TSBP1: variants seen among roughly 807,000 people sequenced by gnomAD.
TSBP1 encodes testis expressed basic protein 1, also known as testis-expressed basic protein 1.
Under a neutral mutation model 68.8 loss-of-function variants are expected in TSBP1, and 56 were observed. The observed-to-expected ratio is 0.81, with a 90% CI of 0.66 to 1.02. The LOEUF (loss-of-function observed/expected upper bound fraction) is 1.02. Ranked by LOEUF, TSBP1 falls within the 50% of genes least tolerant of loss-of-function variation. TSBP1 has a pLI of 0.00. For synonymous variants in TSBP1, 171 were observed against 208.7 expected (o/e 0.82, Z 1.56); for missense variants, 502 against 641.2 (o/e 0.78, Z 2.34).
At chr6:32,328,330 C>T (rs1562116515) in intron 16 of TSBP1, among the ~76,000 whole-genome samples, 2 of 152,134 alleles carry the variant, frequency 1.3e-5, no homozygotes, top group African/African-American at 2.4e-5. Flanking sequence ...TCACTGCAAC[C>T]TCCACCTCCT....
At position 32,292,963 on chromosome 6, in the gene TSBP1, C is replaced by A. The variant is rs528457081; in HGVS notation, c.*18G>T. 1 of 1,490,502 alleles carries A rather than the reference C, an allele frequency of 6.7e-7. No individual in the cohort carries two copies. Among genetic ancestry groups the A allele is most frequent in the Non-Finnish European group, 9.2e-7 (1 of 1,082,712 alleles). 92.3% of individuals were successfully genotyped at this position (1,490,502 alleles called of 1,614,324 possible). Reference sequence around the variant, plus strand: ...TCATAATAATCACTTGTCTTATGGGCCTTTAAAAAATTTATCCTTACTCTT... The same window carrying A: ...TCATAATAATCACTTGTCTTATGGGACTTTAAAAAATTTATCCTTACTCTT... On this transcript the variant is annotated 3_prime_UTR_variant, in exon 23 of 23. Transcript: ENST00000612031. This position sits in a 1 kb window ranked among gnomAD's most constrained non-coding sequence, Gnocchi z 4.1.
At chr6:32,313,451 C>CT (rs975256322) in intron 19 of TSBP1, among the ~76,000 whole-genome samples, 3 of 151,868 alleles carry the variant, frequency 2.0e-5, no homozygotes, top group African/African-American at 7.3e-5. Flanking sequence ...AAGACTTTTT[C>CT]TTTTTTTTCC....
exon 23 of TSBP1, chr6:32,293,862 T>C (rs1457583406): frequency 1.2e-6 from 2 of 1,612,960 alleles, no homozygotes; most frequent in Non-Finnish European, 8.5e-7. Flanking sequence ...GGCTCCTTTA[T>C]GTGTGCTGAT....
chr6:32,334,886 T>C (rs1234253469), intron 14 of TSBP1, among the ~76,000 whole-genome samples: 2 of 151,974 alleles, frequency 1.3e-5, no homozygotes, highest in Non-Finnish European at 2.9e-5. Context: ...ACAAAAAAAT[T>C]AGCCGGGCGT....
At chr6:32,331,972 C>T in intron 15 of TSBP1, 62 bp downstream of exon 16, 3 of 1,157,664 alleles carry the variant, frequency 2.6e-6, no homozygotes, top group Non-Finnish European at 3.9e-6. Context: ...CAGTTGGAGC[C>T]AGTCTCCTTC....
intron 2 of TSBP1, among the ~76,000 whole-genome samples, chr6:32,369,031 AGGATGGGAAACAGGGAG>A (rs978157168): frequency 6.6e-6 from 1 of 152,128 alleles, no homozygotes; most frequent in Non-Finnish European, 1.5e-5. Context: ...ACAGGCATTG[AGGATGGGAAACAGGGAG>A]GGAATACAGC....
chr6:32,367,478 T>G (rs1329073708), intron 4 of TSBP1, among the ~76,000 whole-genome samples: 1 of 152,188 alleles, frequency 6.6e-6, no homozygotes, highest in East Asian at 1.9e-4. Context: ...TCCAGCTCCC[T>G]CCTCAGCTAG....
intron 9 of TSBP1, among the ~76,000 whole-genome samples, chr6:32,349,201 T>C (rs1189142476): frequency 1.3e-5 from 2 of 151,274 alleles, no homozygotes; most frequent in East Asian, 1.9e-4. Flanking sequence ...CTTTCTTTTT[T>C]TTTTTTTTTT....
intron 8 of TSBP1, chr6:32,350,145 TTTTC>T (rs3038509): frequency 0.39 from 203,528 of 516,730 alleles, 43,594 homozygotes; most frequent in Middle Eastern, 0.56. Context: ...CTCTCCTTAA[TTTTC>T]TTTCTGTTTT....
At chr6:32,310,877 G>A (rs1407519216) in intron 19 of TSBP1, among the ~76,000 whole-genome samples, 5 of 151,476 alleles carry the variant, frequency 3.3e-5, no homozygotes, top group African/African-American at 7.3e-5. Flanking sequence ...GTCATATGCC[G>A]TATCAGCTGC....
In TSBP1 at chr6:32,335,937, G is replaced by A. The variant is rs751382126; in HGVS notation, c.431-5C>T. On this transcript the variant is annotated splice_polypyrimidine_tract_variant and splice_region_variant and intron_variant, in intron 12 of 22. Transcript: ENST00000612031. The surrounding 1 kb of genome is among the most constrained non-coding windows in gnomAD (Gnocchi z 5.5). The stretch of plus-strand genomic sequence containing the variant: ...TGATAGGTCCTGTAGCTCCGGCTGT[G>A]AGAGAGAAAGAGGGAGAAAGAAAAA... 1 of 1,607,730 alleles carries A rather than the reference G, an allele frequency of 6.2e-7. No individual in the cohort carries two copies. Among genetic ancestry groups the A allele is most frequent in the Non-Finnish European group, 8.5e-7 (1 of 1,176,724 alleles).
chr6:32,294,176 ATGGTTCTC>A, intron 22 of TSBP1, 141 bp from the exon 26 acceptor site: 2 of 881,974 alleles, frequency 2.3e-6, no homozygotes, highest in Non-Finnish European at 3.6e-6. Context: ...ATCTAAAATG[ATGGTTCTC>A]TGTACATAAA....
chr6:32,366,220 A>G (rs1195142373), intron 5 of TSBP1, 33 bp from the exon 6 acceptor site: 1 of 1,591,772 alleles, frequency 6.3e-7, no homozygotes, highest in African/African-American at 1.4e-5. Flanking sequence ...TAAGATTCTT[A>G]ATTTCTCATA....
At chr6:32,305,650 C>G (rs1765716094) in intron 19 of TSBP1, among the ~76,000 whole-genome samples, 1 of 152,158 alleles carries the variant, frequency 6.6e-6, no homozygotes, top group Non-Finnish European at 1.5e-5. Context: ...TGTGTGCCAC[C>G]ACACCCAGCT....
In TSBP1 at chr6:32,360,344, A is replaced by AAG. The variant is rs568390847; in HGVS notation, c.218-4677_218-4676dup. 3.9e-4 allele frequency among the ~76,000 whole-genome samples: 59 copies of AAG among 152,032 alleles called. 1 individual carries two copies. The highest frequency in any genetic ancestry group is 3.4e-3 in the Admixed American group (52 of 15,252). On this transcript the variant is annotated intron_variant, in intron 6 of 22. Transcript: ENST00000612031. The stretch of plus-strand genomic sequence containing the variant: ...GTTCATCCATGTTGTCACAAATGGC[A>AAG]AGATTTCTTTCTTTTCCTAAGGCTG...
At chr6:32,367,828 C>G in intron 4 of TSBP1, 97 bp downstream of exon 4, 1 of 869,316 alleles carries the variant, frequency 1.2e-6, no homozygotes, top group Non-Finnish European at 1.8e-6. Flanking sequence ...GAAAGATATG[C>G]TGACTCAACA....
intron 22 of TSBP1, among the ~76,000 whole-genome samples, chr6:32,298,235 A>G (rs1354963465): frequency 6.6e-6 from 1 of 152,080 alleles, no homozygotes; most frequent in East Asian, 1.9e-4. Context: ...ATGTTGGCGC[A>G]TTATAATTTT....
At position 32,335,862 on chromosome 6, in the gene TSBP1, A is replaced by G; in HGVS notation, c.451+50T>C. ...GAAACCAGGTAGCGATCCCTAAGAT[A>G]CTGCAGGAAAGTAAAATGCTCACTG... On this transcript the variant is annotated intron_variant, in intron 13 of 22. Transcript: ENST00000612031. The surrounding 1 kb of genome is among the most constrained non-coding windows in gnomAD (Gnocchi z 5.5). The G allele has an allele frequency of 6.8e-7, 1 of 1,463,292 alleles. No individual in the cohort carries two copies. The highest frequency in any genetic ancestry group is 9.6e-7 in the Non-Finnish European group (1 of 1,044,646). The allele number at this position is 1,463,292 out of a possible 1,614,324, so 90.6% of individuals were successfully genotyped here. A position where few individuals can be genotyped will look rare whatever the true frequency, so the allele number is the denominator to read the frequency against.
At chr6:32,344,091 AT>A (rs1562150460) in intron 9 of TSBP1, among the ~76,000 whole-genome samples, 7 of 151,482 alleles carry the variant, frequency 4.6e-5, no homozygotes, top group Admixed American at 3.9e-4. Context: ...ATTTAATTTA[AT>A]TTATTTATTT....
Sources: allele counts gnomAD v4.1 joint callset (sites outside exome capture counted in the v4.1 genomes callset), GRCh38; gene constraint gnomAD v4.1.1; non-coding constraint Gnocchi (gnomAD v3.1); transcripts MANE v1.5; gene names NCBI Gene and HGNC (gene_info 2026-07-23, HGNC 2026-07-21).